The following PAPOLA variants were observed in gnomAD, a reference collection of about 807,000 sequenced individuals.
PAPOLA encodes poly(A) polymerase alpha.
Under a neutral mutation model 100.6 loss-of-function variants are expected in PAPOLA, and 15 were observed. The ratio of observed to expected loss-of-function variants is 0.15; its 90% CI spans 0.10 to 0.23. PAPOLA has a LOEUF of 0.23. PAPOLA is among the 10% of genes least tolerant of loss of function. PAPOLA has a pLI of 1.00. For missense variants in PAPOLA, 533 were observed against 884.2 expected (o/e 0.60, Z 5.04); for synonymous variants, 293 against 300.0 (o/e 0.98, Z 0.24).
Position 96,520,125 on chromosome 14 carries a change from A to G in PAPOLA, c.79A>G (p.Ser27Gly), listed in dbSNP as rs2140253562. Residue 27 changes from serine (S) to glycine (G), a missense_variant, in exon 2 of 22, where the codon AGC (serine) becomes GGC (glycine). By Grantham distance (56) the Ser-to-Gly change is moderately conservative. Around this residue, in one of 9 missense-constraint regions of PAPOLA, gnomAD observed 48 missense variants for 52.3 expected, o/e 0.92. Coordinates refer to ENST00000216277, the MANE Select transcript of PAPOLA (RefSeq NM_032632.5). ...QKHYGITSPISLAAPKETDCV... is the reference protein window; with the variant it reads ...QKHYGITSPIGLAAPKETDCV... ...GCACTATGGCATTACTTCTCCTATCAGCTTAGCAGCCCCCAAGGAGACTGA... is the reference window on the plus strand; with the variant it reads ...GCACTATGGCATTACTTCTCCTATCGGCTTAGCAGCCCCCAAGGAGACTGA... 6.2e-7 allele frequency: 1 copy of G among 1,613,864 alleles called. No individual in the cohort carries two copies. The highest frequency in any genetic ancestry group is 1.6e-4 in the Middle Eastern group (1 of 6,062).
intron 4 of PAPOLA, chr14:96,525,908 T>C (rs970384276): frequency 6.6e-6 from 1 of 152,252 alleles, no homozygotes; most frequent in Non-Finnish European, 1.5e-5. Flanking sequence ...ACAGTGCTGC[T>C]ATCTACATAT....
chr14:96,553,908 TTTTC>T (rs1387646674), intron 17 of PAPOLA, among the ~76,000 whole-genome samples: 1 of 152,200 alleles, frequency 6.6e-6, no homozygotes, highest in Non-Finnish European at 1.5e-5. Context: ...GGATGTGTTT[TTTTC>T]TTTCTTTTGG....
At chr14:96,552,840 C>T in intron 17 of PAPOLA, 1 of 513,184 alleles carries the variant, frequency 1.9e-6, no homozygotes, top group Non-Finnish European at 3.5e-6. Context: ...ATAATGTCTT[C>T]AGTCAGATGT....
intron 16 of PAPOLA, among the ~76,000 whole-genome samples, chr14:96,549,248 A>C (rs1900639001): frequency 6.6e-6 from 1 of 150,850 alleles, no homozygotes; most frequent in African/African-American, 2.4e-5. Flanking sequence ...ATGTTATTCT[A>C]ATTTTTTTTT....
chr14:96,512,798 T>C (rs1595499941), intron 1 of PAPOLA, among the ~76,000 whole-genome samples: 1 of 152,240 alleles, frequency 6.6e-6, no homozygotes, highest in Non-Finnish European at 1.5e-5. Context: ...CATACTCTGC[T>C]CAGTGAACAA....
chr14:96,535,297 A>G (rs1899420425), intron 10 of PAPOLA: 1 of 984,260 alleles, frequency 1.0e-6, no homozygotes, highest in Non-Finnish European at 1.2e-6. Context: ...ACCTCAAGGC[A>G]TTTACTTTTA....
At chr14:96,543,071 T>C (rs559570565) in intron 14 of PAPOLA, among the ~76,000 whole-genome samples, 178 bp downstream of exon 14, 6 of 152,174 alleles carry the variant, frequency 3.9e-5, no homozygotes, top group Non-Finnish European at 7.4e-5. Flanking sequence ...AAAGACTGTT[T>C]CGTGAGAAAA....
At chr14:96,536,354 G>A (rs1899527125) in intron 11 of PAPOLA, among the ~76,000 whole-genome samples, 1 of 151,982 alleles carries the variant, frequency 6.6e-6, no homozygotes, top group Non-Finnish European at 1.5e-5. Context: ...AGCAGGAATG[G>A]GGCCAAACCA....
At chr14:96,540,215 C>T (rs1005356229) in intron 12 of PAPOLA, among the ~76,000 whole-genome samples, 4 of 152,088 alleles carry the variant, frequency 2.6e-5, no homozygotes, top group Non-Finnish European at 5.9e-5. Flanking sequence ...TTGTTGAAGA[C>T]TAAGGTGGTT....
intron 1 of PAPOLA, among the ~76,000 whole-genome samples, chr14:96,505,404 T>G (rs768079383): frequency 6.6e-6 from 1 of 152,328 alleles, no homozygotes; most frequent in Admixed American, 6.5e-5. Flanking sequence ...TCTGCCCTAC[T>G]CTGTGTTGGT....
At chr14:96,508,493 C>T (rs1396763811) in intron 1 of PAPOLA, among the ~76,000 whole-genome samples, 1 of 152,154 alleles carries the variant, frequency 6.6e-6, no homozygotes, top group East Asian at 1.9e-4. Context: ...ATTTATGAGC[C>T]TACTCAGTTC....
At chr14:96,504,166 A>AT (rs1361385623) in intron 1 of PAPOLA, 3 of 152,186 alleles carry the variant, frequency 2.0e-5, no homozygotes, top group African/African-American at 7.2e-5. Context: ...TTAAGTTAAC[A>AT]TTTTGCTGTC....
chr14:96,517,529 G>T (rs1465981909), intron 1 of PAPOLA, among the ~76,000 whole-genome samples: 1 of 152,020 alleles, frequency 6.6e-6, no homozygotes, highest in African/African-American at 2.4e-5. Flanking sequence ...ATTACGTTCA[G>T]TAGTTTTGGT....
intron 1 of PAPOLA, among the ~76,000 whole-genome samples, chr14:96,514,482 A>G (rs1325772419): frequency 6.6e-6 from 1 of 152,124 alleles, no homozygotes; most frequent in Non-Finnish European, 1.5e-5. Context: ...CGCCCAGCCT[A>G]TTTGCATTAG....
chr14:96,548,634 T>C (rs1268463579), intron 16 of PAPOLA, among the ~76,000 whole-genome samples: 1 of 152,148 alleles, frequency 6.6e-6, no homozygotes, highest in Non-Finnish European at 1.5e-5. Context: ...ACTAATATGT[T>C]GAATAAAAAA....
At chr14:96,535,187 T>C in intron 10 of PAPOLA, 1 of 909,418 alleles carries the variant, frequency 1.1e-6, no homozygotes, top group Non-Finnish European at 1.3e-6. Flanking sequence ...TGAATAAGAT[T>C]TCCTAAGTTT....
At position 96,520,760 on chromosome 14, in the gene PAPOLA, T is replaced by A. The variant is rs1897887320; in HGVS notation, c.183-246T>A. ...TTTTGATTTTTTATGCTTTTGGTTA[T>A]TATAGTACTGAATTGTCTGGAGAAA... On this transcript the variant is annotated intron_variant, in intron 2 of 21. Coordinates refer to ENST00000216277, the MANE Select transcript of PAPOLA (RefSeq NM_032632.5). Among the ~76,000 whole-genome samples the A allele has an allele frequency of 2.0e-5, 3 of 152,134 alleles. No homozygotes were observed. The South Asian group carries it at 6.2e-4, about 31-fold the overall frequency.
intron 16 of PAPOLA, among the ~76,000 whole-genome samples, chr14:96,549,271 C>T (rs1336855765): frequency 5.5e-5 from 8 of 144,640 alleles, no homozygotes; most frequent in Admixed American, 3.5e-4. Flanking sequence ...TTTTTTGAGA[C>T]GGAGTCTCAC....
At chr14:96,517,444 C>T (rs549462547) in intron 1 of PAPOLA, among the ~76,000 whole-genome samples, 6 of 152,168 alleles carry the variant, frequency 3.9e-5, no homozygotes, top group African/African-American at 9.6e-5. Flanking sequence ...GTAATGGATG[C>T]GTTTATTACC....
Sources: gnomAD v4.1 joint callset for allele counts (sites outside exome capture counted in the v4.1 genomes callset) on GRCh38, gnomAD v4.1.1 for gene constraint, gnomAD v4.1.1 regional missense constraint, MANE v1.5 for transcripts, NCBI Gene and HGNC (gene_info 2026-07-23, HGNC 2026-07-21) for gene names.